IRAG2: variants seen among roughly 807,000 people sequenced by gnomAD.
IRAG2 encodes inositol 1,4,5-triphosphate receptor associated 2.
A neutral mutation model predicts 69.9 loss-of-function variants in IRAG2; 45 were observed. The ratio of observed to expected loss-of-function variants is 0.64; its 90% CI spans 0.51 to 0.83. IRAG2 has a LOEUF of 0.83. IRAG2 is among the 40% of genes least tolerant of loss of function. The pLI, the probability that IRAG2 is intolerant of heterozygous loss-of-function variation, is 0.00. For missense variants in IRAG2, 520 were observed against 587.0 expected (o/e 0.89, Z 1.18); for synonymous variants, 193 against 202.4 (o/e 0.95, Z 0.40).
intron 10 of IRAG2, among the ~76,000 whole-genome samples, chr12:25,085,970 G>C (rs568796292): frequency 5.3e-5 from 8 of 152,100 alleles, no homozygotes; most frequent in Non-Finnish European, 7.4e-5. Flanking sequence ...TATAGTGTTG[G>C]CTAGCACATA....
chr12:25,089,681 A>G lies in IRAG2; in HGVS notation c.437+4A>G. 1 of 1,607,908 alleles carries G rather than the reference A, an allele frequency of 6.2e-7. No homozygotes were observed. The highest frequency in any genetic ancestry group is 8.5e-7 in the Non-Finnish European group (1 of 1,174,648). On this transcript the variant is annotated splice_donor_region_variant and intron_variant, in intron 12 of 21. Coordinates refer to ENST00000556887, the MANE Select transcript of IRAG2 (RefSeq NM_001366544.2). ...TTAACCTTAGACAAAGTGAGAAGTA[A>G]GTGCTTCTTCATGTAGCATGTTAAC...
At chr12:25,003,999 C>A (rs534477279), upstream of IRAG2, among the ~76,000 whole-genome samples, 1 of 152,170 alleles carries the variant, frequency 6.6e-6, no homozygotes, top group African/African-American at 2.4e-5. Context: ...GTTGCTTATT[C>A]TCTTTCTGTC....
chr12:25,003,841 C>T (rs1322544000), upstream of IRAG2, among the ~76,000 whole-genome samples: 2 of 152,130 alleles, frequency 1.3e-5, no homozygotes, highest in African/African-American at 4.8e-5. Context: ...AGAGGGCAAC[C>T]AGTACAATAC....
At chr12:25,084,402 A>AAG (rs375765618) in intron 10 of IRAG2, among the ~76,000 whole-genome samples, 6 of 151,934 alleles carry the variant, frequency 3.9e-5, no homozygotes, top group African/African-American at 1.2e-4. Context: ...AAAGAAAAAA[A>AAG]AGAGAGAGAG....
chr12:25,050,514 C>T (rs371795280), upstream of IRAG2, among the ~76,000 whole-genome samples: 1 of 116,456 alleles, frequency 8.6e-6, no homozygotes, highest in Admixed American at 1.4e-4. Context: ...GGAGACAGAG[C>T]GAGACTCCGT....
chr12:25,077,566 A>G (rs1946916509), intron 6 of IRAG2, among the ~76,000 whole-genome samples: 1 of 151,732 alleles, frequency 6.6e-6, no homozygotes, highest in Non-Finnish European at 1.5e-5. Flanking sequence ...TGTGCATATT[A>G]CTTTCCTCTG....
intron 6 of IRAG2, 70 bp from the exon 7 acceptor site, chr12:25,079,174 C>T: frequency 2.0e-6 from 3 of 1,503,258 alleles, no homozygotes; most frequent in South Asian, 1.1e-5. Context: ...AAAATGTTTG[C>T]TTAAAACAAC....
intron 16 of IRAG2, among the ~76,000 whole-genome samples, chr12:25,041,680 T>TG (rs1161243896): frequency 6.7e-6 from 1 of 150,342 alleles, no homozygotes; most frequent in African/African-American, 2.4e-5. Context: ...TTGTTTTTTT[T>TG]TTTTTCAGTA....
upstream of IRAG2, among the ~76,000 whole-genome samples, chr12:25,049,605 A>G (rs780849501): frequency 2.0e-5 from 3 of 152,364 alleles, no homozygotes; most frequent in East Asian, 3.9e-4. Context: ...AAACAGGTGT[A>G]CAAACATACT....
intron 10 of IRAG2, among the ~76,000 whole-genome samples, chr12:25,084,563 GTGTGTA>G (rs1271210406): frequency 2.0e-5 from 3 of 150,818 alleles, no homozygotes; most frequent in Non-Finnish European, 3.0e-5. Flanking sequence ...GTGTGTGTGT[GTGTGTA>G]TTATTGTTTT....
At chr12:25,030,099 C>T (rs1410410393) in intron 9 of IRAG2, among the ~76,000 whole-genome samples, 3 of 152,114 alleles carry the variant, frequency 2.0e-5, no homozygotes, top group African/African-American at 7.2e-5. Flanking sequence ...GGTTTCCTCA[C>T]TGGTAACATG....
At chr12:25,079,800 T>G (rs746622589) in intron 9 of IRAG2, 37 bp downstream of exon 9, 1 of 1,359,516 alleles carries the variant, frequency 7.4e-7, no homozygotes. Flanking sequence ...ATTTTAATTC[T>G]AAAACACGAA....
chr12:25,045,595 T>G (rs1944786511), intron 16 of IRAG2, among the ~76,000 whole-genome samples: 1 of 151,924 alleles, frequency 6.6e-6, no homozygotes, highest in African/African-American at 2.4e-5. Context: ...ATAAACAATT[T>G]TATGCCAACA....
exon 1 of IRAG2, chr12:25,004,915 G>C (rs1944419409): frequency 1.6e-6 from 2 of 1,222,444 alleles, no homozygotes; most frequent in African/African-American, 3.1e-5. Context: ...GAATGAAGAT[G>C]GTAAATATTC....
intron 4 of IRAG2, among the ~76,000 whole-genome samples, chr12:25,065,533 C>T (rs567330392): frequency 2.0e-5 from 3 of 152,326 alleles, no homozygotes; most frequent in South Asian, 2.1e-4. Context: ...ATGTCTAATG[C>T]TTTTCTCTTC....
Position 25,047,233 on chromosome 12 carries a change from G to T in IRAG2, c.2145-5002G>T, listed in dbSNP as rs147685442. 2.1e-3 allele frequency among the ~76,000 whole-genome samples: 317 copies of T among 152,220 alleles called. 3 individuals carry two copies. The highest frequency in any genetic ancestry group is 7.3e-3 in the African/African-American group (302 of 41,538). Reference sequence around the variant, plus strand: ...ACTGAAAACACCTAGAAGAAAACATGGGGGAAAGCTTCATAACATTGGTCT... The same window carrying T: ...ACTGAAAACACCTAGAAGAAAACATTGGGGAAAGCTTCATAACATTGGTCT... On this transcript the variant is annotated intron_variant, in intron 16 of 38. Coordinates refer to the IRAG2 transcript ENST00000636465.
At chr12:25,035,795 A>G (rs1365521322) in intron 14 of IRAG2, 1 of 398,902 alleles carries the variant, frequency 2.5e-6, no homozygotes, top group African/African-American at 2.1e-5. Flanking sequence ...CTGGTATCGT[A>G]TAACATACCT....
chr12:25,009,112 G>A (rs1243906143), intron 2 of IRAG2, among the ~76,000 whole-genome samples: 2 of 152,028 alleles, frequency 1.3e-5, no homozygotes, highest in Admixed American at 1.3e-4. Flanking sequence ...AGACCAGCCT[G>A]GACAACCTAG....
At chr12:25,015,700 G>C (rs1026875022) in intron 5 of IRAG2, among the ~76,000 whole-genome samples, 1 of 152,116 alleles carries the variant, frequency 6.6e-6, no homozygotes, top group Non-Finnish European at 1.5e-5. Flanking sequence ...GCTTTCTGTA[G>C]GGAAAAGTTC....
Sources: gnomAD v4.1 joint callset for allele counts (sites outside exome capture counted in the v4.1 genomes callset) on GRCh38, gnomAD v4.1.1 for gene constraint, MANE v1.5 for transcripts, NCBI Gene and HGNC (gene_info 2026-07-23, HGNC 2026-07-21) for gene names.